The following SUPT16H variants were observed in gnomAD, a reference collection of about 807,000 sequenced individuals.
The protein encoded by SUPT16H is SPT16 homolog, facilitates chromatin remodeling subunit.
A neutral mutation model predicts 136.2 loss-of-function variants in SUPT16H; 24 were observed. The ratio of observed to expected loss-of-function variants is 0.18; its 90% CI spans 0.13 to 0.25. The LOEUF (loss-of-function observed/expected upper bound fraction) is 0.25. SUPT16H is among the 10% of genes least tolerant of loss of function. SUPT16H has a pLI of 1.00. For synonymous variants in SUPT16H, 415 were observed against 428.2 expected, an observed-to-expected ratio of 0.97 and a Z score of 0.38; for missense variants, 623 against 1,270.2, an observed-to-expected ratio of 0.49 and a Z score of 7.74.
In SUPT16H at chr14:21,352,830, A is replaced by C; in HGVS notation, c.2999-12T>G. On this transcript the variant is annotated splice_polypyrimidine_tract_variant and intron_variant, in intron 25 of 25. Coordinates refer to ENST00000216297, the MANE Select transcript of SUPT16H (RefSeq NM_007192.4). ...ACTTTCTCGGTCCGCTAAATAGAAG[A>C]GGCATTATTAGTTAGCAATAGGTAA... 1 of 1,614,040 alleles carries C rather than the reference A, an allele frequency of 6.2e-7. No individual in the cohort carries two copies. Among genetic ancestry groups the C allele is most frequent in the South Asian group, 1.1e-5 (1 of 91,072 alleles).
In SUPT16H at chr14:21,372,013, GTATCAGT is replaced by G; in HGVS notation, c.184_190del (p.Thr62LeufsTer22). On this transcript the variant is annotated frameshift_variant, in exon 3 of 26. Coordinates refer to ENST00000216297, the MANE Select transcript of SUPT16H (RefSeq NM_007192.4). LOFTEE classifies it high-confidence loss of function. ...TTTGTCATCACAAAAGACCATGATA[GTATCAGT>G]TAGTTCATAACCAAAGAGCCATGTC... 1 of 1,613,856 alleles carries G rather than the reference GTATCAGT, an allele frequency of 6.2e-7. No homozygotes were observed. The highest frequency in any genetic ancestry group is 8.5e-7 in the Non-Finnish European group (1 of 1,179,980).
At chr14:21,356,922 GT>G (rs1886447196) in intron 22 of SUPT16H, among the ~76,000 whole-genome samples, 1 of 152,084 alleles carries the variant, frequency 6.6e-6, no homozygotes, top group African/African-American at 2.4e-5. Context: ...GAGCCCAGGA[GT>G]TTGAGACCAG....
chr14:21,352,409 A>C lies in SUPT16H; in HGVS notation c.*264T>G, dbSNP rs1017686350. The C allele has an allele frequency of 1.1e-5, 5 of 469,076 alleles. No individual in the cohort carries two copies. The highest frequency in any genetic ancestry group is 9.7e-5 in the African/African-American group (5 of 51,412). The allele number at this position is 469,076 out of a possible 1,614,324, so 29.1% of individuals were successfully genotyped here. ...AAGGTGACAGGAAGAGAGAAGAATG[A>C]AACAATATTTATTAACAGCGGGAGC... On this transcript the variant is annotated 3_prime_UTR_variant, in exon 26 of 26. Coordinates refer to ENST00000216297, the MANE Select transcript of SUPT16H (RefSeq NM_007192.4).
intron 3 of SUPT16H, 80 bp from the exon 4 acceptor site, chr14:21,370,568 A>C (rs772574566): frequency 6.4e-5 from 93 of 1,460,398 alleles, no homozygotes; most frequent in Non-Finnish European, 7.3e-5. Context: ...AGGTAGAATA[A>C]TATTCTAAAC....
At chr14:21,360,360 G>T in intron 18 of SUPT16H, 55 bp downstream of exon 18, 1 of 1,320,264 alleles carries the variant, frequency 7.6e-7, no homozygotes, top group South Asian at 1.3e-5. Context: ...AAGAAGCTGA[G>T]TGAAATGAAG....
chr14:21,352,872 A>G (rs1886349956), intron 25 of SUPT16H, 54 bp from the exon 26 acceptor site: 4 of 1,608,684 alleles, frequency 2.5e-6, no homozygotes, highest in Non-Finnish European at 3.4e-6. Flanking sequence ...GGTACCTAAT[A>G]TTACTGGATA....
chr14:21,355,457 C>T (rs781523835), intron 22 of SUPT16H, among the ~76,000 whole-genome samples: 1 of 147,982 alleles, frequency 6.8e-6, no homozygotes, highest in Non-Finnish European at 1.5e-5. Context: ...CGTGCCACTG[C>T]ACTCCAGCCT....
At chr14:21,359,687 T>C in intron 18 of SUPT16H, 78 bp from the exon 19 acceptor site, 3 of 1,546,582 alleles carry the variant, frequency 1.9e-6, no homozygotes, top group Non-Finnish European at 2.6e-6. Flanking sequence ...TGATCCAAAC[T>C]TGGGCCTCCA....
At chr14:21,375,892 C>T (rs916265068) in intron 1 of SUPT16H, among the ~76,000 whole-genome samples, 20 of 152,122 alleles carry the variant, frequency 1.3e-4, no homozygotes, top group Non-Finnish European at 2.5e-4. Context: ...TGTGCCTGGC[C>T]TATCTATTTT....
rs989125426 is a variant in SUPT16H, at chr14:21,353,967, T to G, written c.2791-135A>C. ...CAAAATAATCTGAGGGATCAAGAGATAAAATGACTTGTTTAAAATTAGTGG... is the reference window on the plus strand; with the variant it reads ...CAAAATAATCTGAGGGATCAAGAGAGAAAATGACTTGTTTAAAATTAGTGG... On this transcript the variant is annotated intron_variant, in intron 23 of 25. Transcript: ENST00000216297. The G allele has an allele frequency of 6.6e-6, 5 of 757,862 alleles. No homozygotes were observed. In the African/African-American group the frequency reaches 8.9e-5, roughly 13 times the overall value. The allele number at this position is 757,862 out of a possible 1,614,324, so 46.9% of individuals were successfully genotyped here.
intron 22 of SUPT16H, 25 bp downstream of exon 22, chr14:21,357,172 G>C: frequency 6.5e-7 from 1 of 1,536,506 alleles, no homozygotes. Flanking sequence ...GGGCTAAATG[G>C]GAGACTGATG....
At chr14:21,352,975 G>A (rs1313334267) in intron 25 of SUPT16H, among the ~76,000 whole-genome samples, 157 bp from the exon 26 acceptor site, 1 of 152,148 alleles carries the variant, frequency 6.6e-6, no homozygotes, top group Non-Finnish European at 1.5e-5. Flanking sequence ...TTACAAAAGG[G>A]AGAATTATTT....
chr14:21,383,793 G>A, intron 1 of SUPT16H, 69 bp downstream of exon 1: 1 of 1,563,882 alleles, frequency 6.4e-7, no homozygotes, highest in Non-Finnish European at 8.8e-7. Flanking sequence ...AAAAAAGGGC[G>A]CCGAGAAACA....
At position 21,352,776 on chromosome 14, in the gene SUPT16H, C is replaced by G; in HGVS notation, c.3041G>C (p.Arg1014Pro). The G allele has an allele frequency of 6.2e-7, 1 of 1,613,930 alleles. No individual in the cohort carries two copies. Reference sequence around the variant, plus strand: ...TGCCTTCCTCTTCCGGCTCATACTTCGACTTTGTTCTTCTTCTTCCTCGTA... The same window carrying G: ...TGCCTTCCTCTTCCGGCTCATACTTGGACTTTGTTCTTCTTCTTCCTCGTA... ...SRYEEEEEQS[R>P]SMSRKRKASV... The change falls in exon 26 of 26, where the codon CGA becomes CCA. Residue 1014 changes from arginine (R) to proline (P), a missense_variant. By Grantham distance (103) the Arg-to-Pro change is moderately radical. Around this residue, in one of 7 missense-constraint regions of SUPT16H, gnomAD observed 88 missense variants for 135.5 expected, o/e 0.65. Coordinates refer to ENST00000216297, the MANE Select transcript of SUPT16H (RefSeq NM_007192.4).
chr14:21,381,951 T>A (rs1296244871), intron 1 of SUPT16H, among the ~76,000 whole-genome samples: 1 of 151,828 alleles, frequency 6.6e-6, no homozygotes, highest in African/African-American at 2.4e-5. Flanking sequence ...GTTTTCTTAT[T>A]AAAAAAAGGA....
intron 19 of SUPT16H, among the ~76,000 whole-genome samples, chr14:21,359,190 T>G (rs1594299353): frequency 6.6e-6 from 1 of 152,142 alleles, no homozygotes. Flanking sequence ...CTCTGCCTCT[T>G]GGGTTCAAGT....
chr14:21,366,528 A>G lies in SUPT16H; in HGVS notation c.957T>C (p.Gly319=), dbSNP rs1340013291. The stretch of plus-strand genomic sequence containing the variant: ...CGTTATACACGTCACATATCTTCAC[A>G]CCTAATAACAAGACACAAAGGAGAT... ...QEELLKELRH[G]VKICDVYNAV... Residue 319 remains glycine (G), a splice_region_variant and synonymous_variant, in exon 8 of 26, where the codon GGT becomes GGC. Transcript: ENST00000216297. The G allele has an allele frequency of 1.2e-6, 2 of 1,612,046 alleles. No individual in the cohort carries two copies. Among genetic ancestry groups the G allele is most frequent in the Admixed American group, 1.7e-5 (1 of 59,522 alleles).
rs190721855 is a variant in SUPT16H, at chr14:21,360,034, C to A, written c.2175+381G>T. Among the ~76,000 whole-genome samples the A allele has an allele frequency of 2.8e-4, 42 of 152,168 alleles. 1 individual carries two copies. In the East Asian group the frequency reaches 3.9e-3, roughly 14 times the overall value. ...CTTAAGTGAGAGGTGATTTTTTCAT[C>A]ACTTTTTTGTTTTTTGTTTTTCACA... On this transcript the variant is annotated intron_variant, in intron 18 of 25. Transcript: ENST00000216297.
chr14:21,362,174 TA>T (rs1327052775), intron 15 of SUPT16H, 22 bp downstream of exon 15: 1 of 1,608,574 alleles, frequency 6.2e-7, no homozygotes, highest in Admixed American at 1.7e-5. Flanking sequence ...TGAATCTGGG[TA>T]TGACTTTTCT....
Sources: gnomAD v4.1 joint callset for allele counts (sites outside exome capture counted in the v4.1 genomes callset) on GRCh38, gnomAD v4.1.1 for gene constraint, gnomAD v4.1.1 regional missense constraint, MANE v1.5 for transcripts, NCBI Gene and HGNC (gene_info 2026-07-23, HGNC 2026-07-21) for gene names.